Variants in PTPRD observed in about 807,000 individuals in gnomAD.
PTPRD encodes the protein protein tyrosine phosphatase receptor type D, also known as receptor-type tyrosine-protein phosphatase delta.
Under a neutral mutation model 214.5 loss-of-function variants are expected in PTPRD, and 34 were observed. The observed-to-expected ratio is 0.16, with a 90% CI of 0.12 to 0.21. The LOEUF (loss-of-function observed/expected upper bound fraction) is 0.21, where lower values mean the gene tolerates loss of function less well. PTPRD is among the 10% of genes least tolerant of loss of function. The pLI, the probability that PTPRD is intolerant of heterozygous loss-of-function variation, is 1.00. For missense variants in PTPRD, 2,545 were observed against 2,398.7 expected, an observed-to-expected ratio of 1.06 and a Z score of -1.27; for synonymous variants, 1,128 against 845.7, an observed-to-expected ratio of 1.33 and a Z score of -5.79.
intron 5 of PTPRD, among the ~76,000 whole-genome samples, chr9:9,906,304 G>C (rs550421262): frequency 2.1e-4 from 32 of 151,860 alleles, no homozygotes; most frequent in Non-Finnish European, 1.2e-4. Context: ...GTGCTTTTTT[G>C]TACGTATGTG....
intron 10 of PTPRD, among the ~76,000 whole-genome samples, chr9:9,168,228 G>A (rs1282488442): frequency 3.3e-5 from 5 of 152,170 alleles, no homozygotes; most frequent in African/African-American, 1.2e-4. Context: ...GCCCTTTACA[G>A]TAAAAGGTTA....
At chr9:10,373,503 T>A (rs1335840518) in intron 2 of PTPRD, among the ~76,000 whole-genome samples, 1 of 152,094 alleles carries the variant, frequency 6.6e-6, no homozygotes, top group Non-Finnish European at 1.5e-5. Context: ...TGAAACAGCA[T>A]ACAAGTGTTT....
At chr9:9,625,564 T>TG (rs1236980949) in intron 7 of PTPRD, among the ~76,000 whole-genome samples, 1 of 151,994 alleles carries the variant, frequency 6.6e-6, no homozygotes, top group East Asian at 1.9e-4. Context: ...TTTTTTTTTT[T>TG]TTTGTTTTGA....
chr9:9,883,334 C>T (rs185982088), intron 5 of PTPRD, among the ~76,000 whole-genome samples: 57 of 152,068 alleles, frequency 3.7e-4, no homozygotes, highest in South Asian at 2.1e-4. Flanking sequence ...CTGAGAGAAA[C>T]GCTAGAAATT....
chr9:8,608,174 T>G (rs2095309149), intron 14 of PTPRD, among the ~76,000 whole-genome samples: 1 of 152,136 alleles, frequency 6.6e-6, no homozygotes. Flanking sequence ...CATTACATAT[T>G]GAATTGAAGA....
At chr9:10,113,841 T>C (rs917867244) in intron 3 of PTPRD, among the ~76,000 whole-genome samples, 2 of 152,206 alleles carry the variant, frequency 1.3e-5, no homozygotes, top group South Asian at 2.1e-4. Context: ...ATGCTGCTGA[T>C]ACATGGGCCA....
At chr9:9,252,152 C>T (rs1195893874) in intron 9 of PTPRD, among the ~76,000 whole-genome samples, 2 of 151,964 alleles carry the variant, frequency 1.3e-5, no homozygotes, top group Non-Finnish European at 2.9e-5. Flanking sequence ...CAAAATATGC[C>T]TCTTTGGCAT....
At chr9:9,004,495 G>C (rs1355229548) in intron 11 of PTPRD, among the ~76,000 whole-genome samples, 1 of 151,398 alleles carries the variant, frequency 6.6e-6, no homozygotes, top group East Asian at 1.9e-4. Context: ...TTTTTACTTG[G>C]CTCTTGTTGG....
intron 7 of PTPRD, among the ~76,000 whole-genome samples, chr9:9,613,488 G>C (rs1407001127): frequency 6.6e-6 from 1 of 152,004 alleles, no homozygotes; most frequent in Non-Finnish European, 1.5e-5. Context: ...CTTGTTGTGA[G>C]TTTCTTCATG....
intron 3 of PTPRD, among the ~76,000 whole-genome samples, chr9:10,183,366 C>G (rs562705595): frequency 1.3e-5 from 2 of 152,142 alleles, no homozygotes; most frequent in South Asian, 2.1e-4. Flanking sequence ...GGATTATGAT[C>G]AATTTATATT....
intron 3 of PTPRD, among the ~76,000 whole-genome samples, chr9:10,071,863 C>A (rs1247235845): frequency 6.6e-6 from 1 of 151,794 alleles, no homozygotes; most frequent in Non-Finnish European, 1.5e-5. Context: ...AATGAACAAG[C>A]TGATATATGT....
intron 2 of PTPRD, among the ~76,000 whole-genome samples, chr9:10,385,856 G>C (rs1389969048): frequency 1.3e-5 from 2 of 151,674 alleles, no homozygotes; most frequent in Non-Finnish European, 2.9e-5. Context: ...TTTCTTTAAA[G>C]TAAAGCTTAG....
intron 9 of PTPRD, among the ~76,000 whole-genome samples, chr9:9,235,908 T>G (rs530331561): frequency 2.0e-5 from 3 of 152,172 alleles, no homozygotes; most frequent in Non-Finnish European, 4.4e-5. Flanking sequence ...AAAGTTACCT[T>G]GCATGTCTCC....
chr9:10,514,488 G>A (rs913685120), intron 2 of PTPRD, among the ~76,000 whole-genome samples: 2 of 151,414 alleles, frequency 1.3e-5, no homozygotes, highest in Non-Finnish European at 3.0e-5. Context: ...TTATAAATAG[G>A]AAGGTGATTT....
chr9:9,686,115 T>C (rs560139543), intron 7 of PTPRD, among the ~76,000 whole-genome samples: 2 of 151,520 alleles, frequency 1.3e-5, no homozygotes, highest in African/African-American at 4.8e-5. Context: ...AGATGCTCTA[T>C]ATCTGTTGGA....
At chr9:9,137,947 A>G (rs2099853555) in intron 10 of PTPRD, among the ~76,000 whole-genome samples, 1 of 152,186 alleles carries the variant, frequency 6.6e-6, no homozygotes, top group Non-Finnish European at 1.5e-5. Context: ...GAATTCATGC[A>G]TCAGGTATTA....
intron 8 of PTPRD, among the ~76,000 whole-genome samples, chr9:9,470,526 T>G (rs1054951336): frequency 6.6e-6 from 1 of 151,970 alleles, no homozygotes; most frequent in African/African-American, 2.4e-5. Context: ...ACTGATAGAG[T>G]TGGAATAGAA....
chr9:8,886,516 C>G (rs192366077), intron 11 of PTPRD, among the ~76,000 whole-genome samples: 1 of 152,040 alleles, frequency 6.6e-6, no homozygotes, highest in South Asian at 2.1e-4. Flanking sequence ...GTTTTAAGTT[C>G]TAGTTGGTTA....
rs1339152283 is a variant in PTPRD, at chr9:8,376,637, T to C, written c.4476A>G (p.Thr1492=). 10 of 1,612,924 alleles carry C rather than the reference T, an allele frequency of 6.2e-6. No individual in the cohort carries two copies. The Admixed American group carries it at 1.0e-4, about 16-fold the overall frequency. ...AAAGTGCAAATGTTCGAACACAATA[T>C]GTGGCCAGCTCCACAGTATCAAGCA... is the stretch of plus-strand genomic sequence containing the variant. ...VTLLDTVELA[T]YCVRTFALYK... The change falls in exon 38 of 46, where the codon ACA becomes ACG. Residue 1492 remains threonine, a synonymous_variant. Coordinates refer to ENST00000381196, the MANE Select transcript of PTPRD (RefSeq NM_002839.4).
Sources: gnomAD v4.1 joint callset for allele counts (sites outside exome capture counted in the v4.1 genomes callset) on GRCh38, gnomAD v4.1.1 for gene constraint, MANE v1.5 for transcripts, NCBI Gene and HGNC (gene_info 2026-07-23, HGNC 2026-07-21) for gene names.